The following PCDH15 variants were observed in gnomAD, a reference collection of about 807,000 sequenced individuals.
PCDH15 encodes the protein protocadherin related 15.
PCDH15 carries 129 observed loss-of-function variants against 178.5 expected under a neutral mutation model. The observed-to-expected ratio is 0.72, with a 90% CI of 0.63 to 0.84. PCDH15 has a LOEUF of 0.84. PCDH15 is among the 40% of genes least tolerant of loss of function. The pLI, the probability that PCDH15 is intolerant of heterozygous loss-of-function variation, is 0.00. For missense variants in PCDH15, 2,230 were observed against 2,099.9 expected (o/e 1.06, Z -1.21); for synonymous variants, 800 against 732.0 (o/e 1.09, Z -1.50).
At chr10:55,322,804 T>TGG (rs558066154), upstream of PCDH15, among the ~76,000 whole-genome samples, 23,001 of 143,730 alleles carry the variant, frequency 0.16, 1,843 homozygotes, top group South Asian at 0.21. Flanking sequence ...AAAAAAAAAA[T>TGG]GGGGGGGGAG....
intron 14 of PCDH15, among the ~76,000 whole-genome samples, chr10:54,152,624 G>T (rs993176006): frequency 2.6e-5 from 4 of 151,826 alleles, no homozygotes; most frequent in Non-Finnish European, 4.4e-5. Context: ...TAACAAAAGG[G>T]ATTTCTCAGG....
Position 53,959,736 on chromosome 10 carries a change from A to G in PCDH15, c.3118T>C (p.Tyr1040His), listed in dbSNP as rs2088074095. 2.5e-6 allele frequency: 4 copies of G among 1,608,980 alleles called. No individual in the cohort carries two copies. In the Admixed American group the frequency reaches 6.7e-5, roughly 27 times the overall value. Residue 1040 changes from tyrosine (Y) to histidine (H), a missense_variant, in exon 23 of 38, where the codon TAT (tyrosine) becomes CAT (histidine). Tyr to His is a moderately conservative substitution (Grantham distance 83, BLOSUM62 2). Coordinates refer to ENST00000644397, the MANE Select transcript of PCDH15 (RefSeq NM_001384140.1). ...AAATCGGACAGAAATCAATACCTAT[A>G]TTCCTCCTGTGTGAAGCGTGGGATC... is the stretch of plus-strand genomic sequence containing the variant. The part of the protein sequence containing the change: ...GEIPRFTQEE[Y>H]RPPPVSELAT...
chr10:53,958,768 C>G (rs2087900781), intron 23 of PCDH15, among the ~76,000 whole-genome samples: 1 of 151,852 alleles, frequency 6.6e-6, no homozygotes. Context: ...ATCAGGAGGT[C>G]AGAGATCGAG....
chr10:53,878,424 A>AT (rs1491515653), intron 26 of PCDH15, among the ~76,000 whole-genome samples: 1 of 75,768 alleles, frequency 1.3e-5, no homozygotes, highest in Non-Finnish European at 2.9e-5. Context: ...CACACGTTGA[A>AT]TATATATATA....
At chr10:54,209,897 T>A (rs761885980) in intron 10 of PCDH15, among the ~76,000 whole-genome samples, 11 of 152,118 alleles carry the variant, frequency 7.2e-5, no homozygotes, top group Non-Finnish European at 1.5e-4. Context: ...CATTAGTGAT[T>A]CATGTAGGGA....
chr10:54,183,516 C>A lies in PCDH15; in HGVS notation c.1518G>T (p.Thr506=), dbSNP rs141416774. 6.8e-6 allele frequency: 11 copies of A among 1,613,656 alleles called. No homozygotes were observed. The highest frequency in any genetic ancestry group is 9.3e-6 in the Non-Finnish European group (11 of 1,179,704). The change falls in exon 13 of 38, where the codon ACG becomes ACT. Residue 506 remains threonine, a synonymous_variant. Transcript: ENST00000644397. ...NIQVMDANDN[T]PTFPEISYDV... is the part of the protein sequence containing the mutation. ...CATAGGATATTTCAGGGAAGGTTGG[C>A]GTGTTATCATTTGCATCCATCACTT...
chr10:54,527,703 T>C, intron 3 of PCDH15, 109 bp downstream of exon 3: 1 of 775,342 alleles, frequency 1.3e-6, no homozygotes, highest in South Asian at 2.4e-5. Context: ...TATCCATGGA[T>C]TTGGGTTGAA....
upstream of PCDH15, among the ~76,000 whole-genome samples, chr10:55,321,120 A>C (rs189756872): frequency 1.3e-5 from 2 of 151,880 alleles, 1 homozygote. Flanking sequence ...AGAGAGAGAA[A>C]GAGAAAGGAA....
intron 2 of PCDH15, among the ~76,000 whole-genome samples, chr10:55,430,418 T>A (rs1838855046): frequency 6.6e-6 from 1 of 152,202 alleles, no homozygotes; most frequent in African/African-American, 2.4e-5. Flanking sequence ...GGTTTAATCA[T>A]TTATGTTTTG....
At chr10:54,838,472 C>A (rs946411533) in intron 3 of PCDH15, among the ~76,000 whole-genome samples, 1 of 152,082 alleles carries the variant, frequency 6.6e-6, no homozygotes, top group Non-Finnish European at 1.5e-5. Flanking sequence ...CTGAAGCCTC[C>A]CCAGCAATGG....
chr10:55,319,969 A>C (rs897039914), upstream of PCDH15, among the ~76,000 whole-genome samples: 1 of 152,062 alleles, frequency 6.6e-6, no homozygotes, highest in Non-Finnish European at 1.5e-5. Flanking sequence ...AGACAGGGTG[A>C]GTCCAACCTG....
Position 53,805,849 on chromosome 10 carries a change from G to GTGAT in PCDH15, c.*726_*729dup, listed in dbSNP as rs1306583238. 2.0e-5 allele frequency: 3 copies of GTGAT among 151,950 alleles called. No homozygotes were observed. The highest frequency in any genetic ancestry group is 6.6e-5 in the Admixed American group (1 of 15,216). 9.4% of individuals were successfully genotyped at this position (151,950 alleles called of 1,614,324 possible). ...GCTCCAAACAATTATTTAACCTCAA[G>GTGAT]TGATTAAACTAAACTAAAGTATCTA... On this transcript the variant is annotated 3_prime_UTR_variant, in exon 38 of 38. Transcript: ENST00000644397.
At chr10:54,020,556 T>A (rs543242890) in intron 19 of PCDH15, 140 bp from the exon 20 acceptor site, 1 of 828,798 alleles carries the variant, frequency 1.2e-6, no homozygotes, top group Non-Finnish European at 2.0e-6. Flanking sequence ...TTTTGTTTTT[T>A]AAAAAAGCAC....
At chr10:54,675,640 C>T (rs2094772513) in intron 1 of PCDH15, among the ~76,000 whole-genome samples, 1 of 152,066 alleles carries the variant, frequency 6.6e-6, no homozygotes, top group Admixed American at 6.5e-5. Flanking sequence ...CACTTCCTCC[C>T]CCAAGTATAG....
At chr10:54,106,153 C>CT (rs1200492918) in intron 15 of PCDH15, among the ~76,000 whole-genome samples, 33 of 152,032 alleles carry the variant, frequency 2.2e-4, no homozygotes, top group East Asian at 1.9e-4. Context: ...GGAGTATAGG[C>CT]TTTTTTTATG....
intron 33 of PCDH15, 104 bp downstream of exon 33, chr10:53,820,061 T>C: frequency 2.5e-6 from 1 of 394,484 alleles, no homozygotes. Context: ...TTACTATTTA[T>C]AGATTTATCA....
intron 2 of PCDH15, among the ~76,000 whole-genome samples, chr10:54,543,221 G>A (rs1467115839): frequency 6.6e-6 from 1 of 152,160 alleles, no homozygotes; most frequent in Non-Finnish European, 1.5e-5. Context: ...CCAAGCCCAC[G>A]TGTGATCCGA....
intron 1 of PCDH15, among the ~76,000 whole-genome samples, chr10:54,772,102 G>T (rs1001228841): frequency 2.0e-5 from 3 of 152,058 alleles, no homozygotes; most frequent in Admixed American, 2.0e-4. Flanking sequence ...TTTATAAGCT[G>T]TTGAGGAATA....
chr10:55,076,385 C>T (rs1185792559), intron 2 of PCDH15, among the ~76,000 whole-genome samples: 1 of 150,328 alleles, frequency 6.7e-6, no homozygotes, highest in East Asian at 1.9e-4. Context: ...TCTGGGTTCT[C>T]CAATGTTGAG....
Sources: allele counts gnomAD v4.1 joint callset (sites outside exome capture counted in the v4.1 genomes callset), GRCh38; gene constraint gnomAD v4.1.1; transcripts MANE v1.5; gene names NCBI Gene and HGNC (gene_info 2026-07-23, HGNC 2026-07-21).